CRISP1: variants seen among roughly 807,000 people sequenced by gnomAD.
CRISP1 encodes the protein cysteine-rich secretory protein 1.
Under a neutral mutation model 33.1 loss-of-function variants are expected in CRISP1, and 44 were observed. That is an observed-to-expected ratio of 1.33 (90% CI 1.05 to 1.71). CRISP1 has a LOEUF of 1.71. Ranked by LOEUF, CRISP1 falls within the 40% of genes most tolerant of loss-of-function variation. The pLI is 0.00. For synonymous variants in CRISP1, 103 were observed against 98.7 expected (o/e 1.04, Z -0.26); for missense variants, 390 against 301.2 (o/e 1.29, Z -2.18).
In CRISP1 at chr6:49,835,245, C is replaced by A; in HGVS notation, c.*71G>T. On this transcript the variant is annotated 3_prime_UTR_variant, in exon 8 of 8. Transcript: ENST00000335847. The stretch of plus-strand genomic sequence containing the variant: ...TTTAGCAGAAGCTACTGAACTATAG[C>A]AAAAGACATGAATCCAACAGACATC... 1 of 1,529,010 alleles carries A rather than the reference C, an allele frequency of 6.5e-7. No homozygotes were observed. The highest frequency in any genetic ancestry group is 8.9e-7 in the Non-Finnish European group (1 of 1,125,814). The allele number at this position is 1,529,010 out of a possible 1,614,324, so 94.7% of individuals were successfully genotyped here.
chr6:49,868,404 A>G (rs573789221), upstream of CRISP1, among the ~76,000 whole-genome samples: 11 of 152,244 alleles, frequency 7.2e-5, no homozygotes, highest in Middle Eastern at 3.4e-3. Context: ...TTCTAACTGG[A>G]TTATCCCAGA....
intron 7 of CRISP1, among the ~76,000 whole-genome samples, chr6:49,838,072 G>T (rs1449243650): frequency 6.6e-6 from 1 of 152,146 alleles, no homozygotes; most frequent in African/African-American, 2.4e-5. Context: ...GAGAACACCG[G>T]TAAACTGAAA....
At chr6:49,864,588 C>T (rs1369158218) in intron 1 of CRISP1, among the ~76,000 whole-genome samples, 1 of 151,970 alleles carries the variant, frequency 6.6e-6, no homozygotes, top group Non-Finnish European at 1.5e-5. Context: ...CAGCTTTTTT[C>T]AATTTTAATC....
chr6:49,868,240 G>A (rs73425890), upstream of CRISP1, among the ~76,000 whole-genome samples: 2 of 152,180 alleles, frequency 1.3e-5, no homozygotes, highest in Non-Finnish European at 2.9e-5. Context: ...ATGGGTGCCA[G>A]TTGGCTGTTT....
At position 49,876,599 on chromosome 6, in the gene CRISP1, G is replaced by C. The variant is rs150963030; in HGVS notation, c.-3+410C>G. ...TACATGCACATGTGTGTTCACAGCAGCACTATTCTTAACAGCAAAGACGTA... is the reference window on the plus strand; with the variant it reads ...TACATGCACATGTGTGTTCACAGCACCACTATTCTTAACAGCAAAGACGTA... On this transcript the variant is annotated intron_variant, in intron 1 of 7. Coordinates refer to the CRISP1 transcript ENST00000505118. 6.6e-5 allele frequency among the ~76,000 whole-genome samples: 10 copies of C among 152,034 alleles called. No individual in the cohort carries two copies. The East Asian group carries it at 1.5e-3, about 24-fold the overall frequency.
intron 7 of CRISP1, among the ~76,000 whole-genome samples, chr6:49,836,705 A>C (rs1353376846): frequency 6.6e-6 from 1 of 152,152 alleles, no homozygotes; most frequent in East Asian, 1.9e-4. Context: ...TCTATGCTAT[A>C]CACATTTTCC....
rs758435165 is a variant in CRISP1 at position 49,840,946 on chromosome 6, C to A, written c.485G>T (p.Arg162Leu). The change falls in exon 6 of 8, where the codon CGC (arginine) becomes CTC (leucine). Residue 162 changes from arginine (R) to leucine (L), a missense_variant. Arg to Leu is a moderately radical substitution (Grantham distance 102). Coordinates refer to ENST00000335847, the MANE Select transcript of CRISP1 (RefSeq NM_001131.3). ...YLIGCAIASC[R>L]QQGSPRYLYV... ...GAGATATCGAGGTGATCCTTGTTGGCGGCAAGATGCAATGGCACAGCCAAT... is the reference window on the plus strand; with the variant it reads ...GAGATATCGAGGTGATCCTTGTTGGAGGCAAGATGCAATGGCACAGCCAAT... The A allele has an allele frequency of 1.7e-5, 27 of 1,613,724 alleles. No individual in the cohort carries two copies. In the East Asian group the frequency reaches 5.3e-4, roughly 32 times the overall value.
intron 5 of CRISP1, among the ~76,000 whole-genome samples, chr6:49,843,725 A>T (rs1771068155): frequency 6.6e-6 from 1 of 152,194 alleles, no homozygotes; most frequent in Non-Finnish European, 1.5e-5. Flanking sequence ...GGAATTGGAT[A>T]ATGGGTAGAG....
intron 2 of CRISP1, 125 bp from the exon 3 acceptor site, chr6:49,852,254 A>C (rs1179183515): frequency 2.4e-6 from 2 of 831,272 alleles, no homozygotes; most frequent in Non-Finnish European, 3.6e-6. Context: ...AGCATTTTTG[A>C]ATTTATAATG....
chr6:49,843,607 C>G lies in CRISP1; in HGVS notation c.436-2612G>C, dbSNP rs111982060. ...ATAAACTTCTGTGGTTTAAGTCATTCAGGAATGTGATATTTTGTTATGGTA... is the reference window on the plus strand; with the variant it reads ...ATAAACTTCTGTGGTTTAAGTCATTGAGGAATGTGATATTTTGTTATGGTA... On this transcript the variant is annotated intron_variant, in intron 5 of 7. Coordinates refer to ENST00000335847, the MANE Select transcript of CRISP1 (RefSeq NM_001131.3). 8.8e-3 allele frequency among the ~76,000 whole-genome samples: 1,335 copies of G among 152,218 alleles called. 20 individuals carry two copies. The highest frequency in any genetic ancestry group is 0.03 in the African/African-American group (1,246 of 41,534).
At chr6:49,856,165 T>C (rs993137237) in intron 2 of CRISP1, among the ~76,000 whole-genome samples, 4 of 152,176 alleles carry the variant, frequency 2.6e-5, no homozygotes, top group Non-Finnish European at 2.9e-5. Context: ...TCTGGACTTT[T>C]AACTAGTGAT....
chr6:49,854,106 C>A (rs543549353), intron 2 of CRISP1, among the ~76,000 whole-genome samples: 4 of 152,144 alleles, frequency 2.6e-5, no homozygotes, highest in Non-Finnish European at 5.9e-5. Flanking sequence ...TAAAGAGAAG[C>A]CATCAGAGGG....
intron 5 of CRISP1, among the ~76,000 whole-genome samples, chr6:49,841,393 G>A (rs1770982629): frequency 1.3e-5 from 2 of 152,144 alleles, no homozygotes; most frequent in South Asian, 2.1e-4. Flanking sequence ...CCAAAAGGTA[G>A]CGTTGATCAT....
rs538545099 is a variant in CRISP1, at chr6:49,872,252, T to C, written c.-3+4757A>G. On this transcript the variant is annotated intron_variant, in intron 1 of 7. Coordinates refer to the CRISP1 transcript ENST00000505118. ...GCCCACTTTTTGATGGGGTTGTTTG[T>C]TTTTTTCTTGTAAATTTGTTTGAGT... Among the ~76,000 whole-genome samples, 299 of 152,078 alleles carry C rather than the reference T, an allele frequency of 2.0e-3. 2 individuals are homozygous for C. The highest frequency in any genetic ancestry group is 6.9e-3 in the African/African-American group (285 of 41,516).
At chr6:49,858,879 A>C (rs1771567708) in intron 1 of CRISP1, among the ~76,000 whole-genome samples, 1 of 152,136 alleles carries the variant, frequency 6.6e-6, no homozygotes, top group South Asian at 2.1e-4. Flanking sequence ...GAAGAACCAA[A>C]ATAAGGAGTA....
At chr6:49,849,881 C>T (rs1325867542) in intron 3 of CRISP1, among the ~76,000 whole-genome samples, 2 of 150,428 alleles carry the variant, frequency 1.3e-5, no homozygotes, top group African/African-American at 4.9e-5. Flanking sequence ...TAGTTTCAAA[C>T]AAAAAAAAAT....
chr6:49,855,397 CTG>C (rs1004474982), intron 2 of CRISP1, among the ~76,000 whole-genome samples: 25 of 149,756 alleles, frequency 1.7e-4, no homozygotes, highest in African/African-American at 6.4e-4. Flanking sequence ...TTTGAATACT[CTG>C]TTTATTCTCA....
At position 49,844,462 on chromosome 6, in the gene CRISP1, G is replaced by T. The variant is rs138874750; in HGVS notation, c.435+2058C>A. Among the ~76,000 whole-genome samples the T allele has an allele frequency of 6.1e-3, 923 of 152,266 alleles. 22 individuals are homozygous for T. Among genetic ancestry groups the T allele is most frequent in the Admixed American group, 0.044 (669 of 15,292 alleles). ...GGCTCCCATGCCCACTACAGGTCCA[G>T]GGAGCAAGGCTGCTTCCTGCTTAGC... On this transcript the variant is annotated intron_variant, in intron 5 of 7. Transcript: ENST00000335847.
intron 7 of CRISP1, among the ~76,000 whole-genome samples, chr6:49,837,020 T>G (rs1770821382): frequency 6.6e-6 from 1 of 152,178 alleles, no homozygotes; most frequent in Non-Finnish European, 1.5e-5. Flanking sequence ...TTTCTTTGAA[T>G]CTGTAAAGTG....
Sources: allele counts gnomAD v4.1 joint callset (sites outside exome capture counted in the v4.1 genomes callset), GRCh38; gene constraint gnomAD v4.1.1; transcripts MANE v1.5; gene names NCBI Gene and HGNC (gene_info 2026-07-23, HGNC 2026-07-21).